The following TMEM47 variants were observed in gnomAD, a reference collection of about 807,000 sequenced individuals.
TMEM47 encodes brain cell membrane protein 1.
A neutral mutation model predicts 12.4 loss-of-function variants in TMEM47; 3 were observed. The ratio of observed to expected loss-of-function variants is 0.24; its 90% CI spans 0.11 to 0.63. TMEM47 has a LOEUF of 0.63. Ranked by LOEUF, TMEM47 falls within the 20% of genes least tolerant of loss-of-function variation. The probability of loss-of-function intolerance (pLI) is 0.86; values close to 1 mark genes in which losing one functional copy is unlikely to be tolerated. For missense variants in TMEM47, 89 were observed against 143.8 expected, an observed-to-expected ratio of 0.62 and a Z score of 1.95; for synonymous variants, 62 against 63.3, an observed-to-expected ratio of 0.98 and a Z score of 0.10.
intron 1 of TMEM47, among the ~76,000 whole-genome samples, chrX:34,649,278 T>C (rs1252397686): frequency 1.8e-5 from 2 of 111,635 alleles, no homozygotes; most frequent in Admixed American, 1.9e-4. Flanking sequence ...CAACTCACAA[T>C]AGCAGACTTG....
chrX:34,629,983 T>C lies in TMEM47; in HGVS notation c.*330A>G, dbSNP rs1023674999. Reference sequence around the variant, plus strand: ...ATGCCAACTGCTCCCCTGCAGGCAATAGGAGATTGAGGCAAATCTCATTCC... The same window carrying C: ...ATGCCAACTGCTCCCCTGCAGGCAACAGGAGATTGAGGCAAATCTCATTCC... On this transcript the variant is annotated 3_prime_UTR_variant, in exon 3 of 3. Coordinates refer to ENST00000275954, the MANE Select transcript of TMEM47 (RefSeq NM_031442.4). The C allele has an allele frequency of 4.4e-4, 68 of 152,992 alleles. No individual in the cohort carries two copies. Among genetic ancestry groups the C allele is most frequent in the African/African-American group, 2.0e-3 (66 of 32,566 alleles). 12.6% of individuals were successfully genotyped at this position (152,992 alleles called of 1,213,427 possible).
intron 2 of TMEM47, 73 bp from the exon 3 acceptor site, chrX:34,630,564 T>C: frequency 1.0e-6 from 1 of 963,219 alleles, no homozygotes; most frequent in Non-Finnish European, 1.4e-6. Context: ...TGTAACTATA[T>C]ATGTATGAGA....
Position 34,656,946 on chromosome X carries a change from G to A in TMEM47, c.84C>T (p.Phe28=), listed in dbSNP as rs780884117. Residue 28 remains phenylalanine, a synonymous_variant, in exon 1 of 3, where the codon TTC becomes TTT. Coordinates refer to ENST00000275954, the MANE Select transcript of TMEM47 (RefSeq NM_031442.4). ...CCCCCAGGTCCAGACACAGCGCCAGGAAGATGCACACCAGCCCGACCAGCT... is the reference window on the plus strand; with the variant it reads ...CCCCCAGGTCCAGACACAGCGCCAGAAAGATGCACACCAGCCCGACCAGCT... ...PLKLVGLVCI[F]LALCLDLGAV... 4.2e-6 allele frequency: 5 copies of A among 1,188,854 alleles called. No individual in the cohort carries two copies. Among genetic ancestry groups the A allele is most frequent in the Non-Finnish European group, 5.7e-6 (5 of 884,111 alleles).
At chrX:34,652,187 A>G (rs1228523427) in intron 1 of TMEM47, among the ~76,000 whole-genome samples, 2 of 112,195 alleles carry the variant, frequency 1.8e-5, no homozygotes, top group Admixed American at 9.4e-5. Flanking sequence ...CATAGCTCAC[A>G]TGGAAGTTTG....
At chrX:34,643,863 C>T (rs1030412183) in intron 1 of TMEM47, among the ~76,000 whole-genome samples, 5 of 109,907 alleles carry the variant, frequency 4.5e-5, no homozygotes, top group African/African-American at 1.7e-4. Context: ...AACATACATC[C>T]TTGGTTGATA....
Position 34,648,755 on chromosome X carries a change from C to G in TMEM47, c.226+8049G>C, listed in dbSNP as rs147885884. ...AGCAAATGAAACTATCAACAGAGTA[C>G]ACAACCTACAGAATGAGACAAAATA... On this transcript the variant is annotated intron_variant, in intron 1 of 2. Coordinates refer to ENST00000275954, the MANE Select transcript of TMEM47 (RefSeq NM_031442.4). Among the ~76,000 whole-genome samples the G allele has an allele frequency of 2.7e-3, 306 of 111,794 alleles. 3 individuals are homozygous for G. Among genetic ancestry groups the G allele is most frequent in the African/African-American group, 9.4e-3 (291 of 30,843 alleles).
intron 2 of TMEM47, among the ~76,000 whole-genome samples, chrX:34,634,982 T>C (rs1921689179): frequency 1.8e-5 from 2 of 111,719 alleles, no homozygotes; most frequent in Non-Finnish European, 1.9e-5. Context: ...ATGCGGTTGG[T>C]GTCCTATCCA....
At chrX:34,649,489 G>A (rs947557051) in intron 1 of TMEM47, among the ~76,000 whole-genome samples, 4 of 111,026 alleles carry the variant, frequency 3.6e-5, no homozygotes, top group African/African-American at 1.3e-4. Context: ...ATAAGTGGGA[G>A]CTAAATCATG....
rs1166117809 is a variant in TMEM47 at position 34,635,464 on chromosome X, A to G, written c.367+3783T>C. Among the ~76,000 whole-genome samples, 3 of 111,593 alleles carry G rather than the reference A, an allele frequency of 2.7e-5. No homozygotes were observed. The East Asian group carries it at 8.5e-4, about 32-fold the overall frequency. ...GAAGAAATCAAAGGGACAAGTGACA[A>G]GACCAGATGTTTATGTCACAAGGAG... is the stretch of plus-strand genomic sequence containing the variant. On this transcript the variant is annotated intron_variant, in intron 2 of 2. Coordinates refer to ENST00000275954, the MANE Select transcript of TMEM47 (RefSeq NM_031442.4).
intron 1 of TMEM47, among the ~76,000 whole-genome samples, chrX:34,648,258 G>A (rs1373722270): frequency 8.9e-6 from 1 of 111,820 alleles, no homozygotes; most frequent in Non-Finnish European, 1.9e-5. Flanking sequence ...GAACAAAGTT[G>A]GTCGCATCAC....
At chrX:34,631,170 CAAAAAAAAAAAAAAAAA>C (rs34845525) in intron 2 of TMEM47, among the ~76,000 whole-genome samples, 1 of 18,565 alleles carries the variant, frequency 5.4e-5, no homozygotes, top group East Asian at 2.2e-3. Flanking sequence ...GACTCTGTCT[CAAAAAAAAAAAAAAAAA>C]AAAAAAAAAA....
chrX:34,634,976 G>A (rs771200619), intron 2 of TMEM47, among the ~76,000 whole-genome samples: 5 of 111,495 alleles, frequency 4.5e-5, no homozygotes, highest in African/African-American at 1.6e-4. Context: ...TTGTATATGC[G>A]GTTGGTGTCC....
At chrX:34,654,885 C>T (rs1922076990) in intron 1 of TMEM47, among the ~76,000 whole-genome samples, 1 of 111,716 alleles carries the variant, frequency 9.0e-6, no homozygotes, top group South Asian at 3.7e-4. Context: ...TGACTTTCAG[C>T]AAGGGGGTAG....
chrX:34,645,584 T>C (rs1360149844), intron 1 of TMEM47, among the ~76,000 whole-genome samples: 3 of 111,804 alleles, frequency 2.7e-5, no homozygotes, highest in Admixed American at 9.5e-5. Flanking sequence ...TCTTGGTTTA[T>C]TGGCTAAGTT....
intron 2 of TMEM47, 70 bp from the exon 3 acceptor site, chrX:34,630,561 A>G: frequency 1.0e-6 from 1 of 994,358 alleles, no homozygotes; most frequent in African/African-American, 1.9e-5. Context: ...ATATGTAACT[A>G]TATATGTATG....
Position 34,628,322 on chromosome X carries a change from C to T in TMEM47, c.*1991G>A, listed in dbSNP as rs1327610787. The T allele has an allele frequency of 8.9e-6, 1 of 111,769 alleles. No homozygotes were observed. Among genetic ancestry groups the T allele is most frequent in the African/African-American group, 3.3e-5 (1 of 30,756 alleles). The allele number at this position is 111,769 out of a possible 1,213,427, so 9.2% of individuals were successfully genotyped here. ...CTCTGCCCCAGATTTTACTATTTCT[C>T]AAAAAATTGCTTCAAAAGACTCTAT... On this transcript the variant is annotated 3_prime_UTR_variant, in exon 3 of 3. Coordinates refer to ENST00000275954, the MANE Select transcript of TMEM47 (RefSeq NM_031442.4).
chrX:34,656,237 TCTCAA>T (rs756758251), intron 1 of TMEM47, among the ~76,000 whole-genome samples: 2 of 111,727 alleles, frequency 1.8e-5, no homozygotes, highest in East Asian at 5.6e-4. Context: ...CCTGTCCCTC[TCTCAA>T]CTCTTCATAT....
rs923542398 is a variant in TMEM47, at chrX:34,630,183, A to G, written c.*130T>C. Reference sequence around the variant, plus strand: ...ATGATGTTGACAGCCAAAAGGCAAAAAAGATTAAATCAACTGAGCAAACTG... The same window carrying G: ...ATGATGTTGACAGCCAAAAGGCAAAGAAGATTAAATCAACTGAGCAAACTG... On this transcript the variant is annotated 3_prime_UTR_variant, in exon 3 of 3. Transcript: ENST00000275954. 2 of 697,236 alleles carry G rather than the reference A, an allele frequency of 2.9e-6. No individual in the cohort carries two copies. Among genetic ancestry groups the G allele is most frequent in the Non-Finnish European group, 4.0e-6 (2 of 494,174 alleles). The allele number at this position is 697,236 out of a possible 1,213,427, so 57.5% of individuals were successfully genotyped here.
chrX:34,651,772 G>A (rs900831342), intron 1 of TMEM47, among the ~76,000 whole-genome samples: 1 of 112,055 alleles, frequency 8.9e-6, no homozygotes, highest in Admixed American at 9.5e-5. Context: ...TGTCTGGCTT[G>A]TAATAGGACT....
Sources: gnomAD v4.1 joint callset for allele counts (sites outside exome capture counted in the v4.1 genomes callset) on GRCh38, gnomAD v4.1.1 for gene constraint, MANE v1.5 for transcripts, NCBI Gene and HGNC (gene_info 2026-07-23, HGNC 2026-07-21) for gene names.